Variants in PDGFC observed in about 807,000 individuals in gnomAD.
PDGFC encodes the protein platelet derived growth factor C, also known as platelet-derived growth factor C.
PDGFC carries 12 observed loss-of-function variants against 35.5 expected under a neutral mutation model. The ratio of observed to expected loss-of-function variants is 0.34; its 90% CI spans 0.22 to 0.55. PDGFC has a LOEUF of 0.55. Among genes scored for constraint, PDGFC ranks in the 20% least tolerant of loss-of-function variants. The probability of loss-of-function intolerance (pLI) is 0.91; values close to 1 mark genes in which losing one functional copy is unlikely to be tolerated. For synonymous variants in PDGFC, 159 were observed against 148.8 expected (o/e 1.07, Z -0.50); for missense variants, 322 against 412.4 (o/e 0.78, Z 1.90).
chr4:156,893,115 C>T (rs1265589679), intron 1 of PDGFC, among the ~76,000 whole-genome samples: 4 of 152,046 alleles, frequency 2.6e-5, no homozygotes, highest in Non-Finnish European at 5.9e-5. Flanking sequence ...AACAGACTAA[C>T]AGTATTTGTC....
chr4:156,912,244 C>A (rs1731056418), intron 1 of PDGFC, among the ~76,000 whole-genome samples: 1 of 152,076 alleles, frequency 6.6e-6, no homozygotes, highest in South Asian at 2.1e-4. Context: ...CAGCTAGACA[C>A]CTCATATATT....
intron 3 of PDGFC, among the ~76,000 whole-genome samples, chr4:156,804,441 A>T (rs897730261): frequency 8.6e-5 from 13 of 151,944 alleles, no homozygotes; most frequent in Non-Finnish European, 1.8e-4. Context: ...GAAAAAATTT[A>T]TACTGAATAG....
chr4:156,945,075 A>C (rs1450045753), intron 1 of PDGFC, among the ~76,000 whole-genome samples: 1 of 151,760 alleles, frequency 6.6e-6, no homozygotes, highest in Non-Finnish European at 1.5e-5. Context: ...TCTAACCCCC[A>C]AAACACAGCA....
intron 2 of PDGFC, among the ~76,000 whole-genome samples, chr4:156,829,237 T>C (rs1288330480): frequency 6.6e-6 from 1 of 152,136 alleles, no homozygotes; most frequent in East Asian, 1.9e-4. Flanking sequence ...TTCACAGAAA[T>C]GGATTGTTGA....
chr4:156,875,734 AT>A (rs552729541), intron 1 of PDGFC, among the ~76,000 whole-genome samples: 3 of 152,118 alleles, frequency 2.0e-5, no homozygotes, highest in Non-Finnish European at 4.4e-5. Flanking sequence ...ACTGGCCAAC[AT>A]GGTGAAACCC....
chr4:156,894,232 T>C (rs769750735), intron 1 of PDGFC, among the ~76,000 whole-genome samples: 6 of 152,228 alleles, frequency 3.9e-5, no homozygotes, highest in Non-Finnish European at 8.8e-5. Context: ...TCTTGACTTT[T>C]TACTGGACAG....
chr4:156,893,456 A>G (rs373457820), intron 1 of PDGFC, among the ~76,000 whole-genome samples: 1 of 151,942 alleles, frequency 6.6e-6, no homozygotes, highest in African/African-American at 2.4e-5. Flanking sequence ...CTTCTTGAGC[A>G]GTTGGGACTA....
chr4:156,955,073 G>C (rs1054550007), intron 1 of PDGFC, among the ~76,000 whole-genome samples: 2 of 152,034 alleles, frequency 1.3e-5, no homozygotes, highest in African/African-American at 4.8e-5. Context: ...AGAGAAGAGA[G>C]ACATATTAGA....
At chr4:156,900,920 AGAGGAAGTGAGGGAGGGAGGGAGG>A (rs1217085384) in intron 1 of PDGFC, among the ~76,000 whole-genome samples, 2 of 108,770 alleles carry the variant, frequency 1.8e-5, no homozygotes, top group African/African-American at 3.5e-5. Context: ...AGGGAGGGAG[AGAGGAAGTGAGGGAGGGAGGGAGG>A]GAGGAAGTGA....
chr4:156,909,488 C>T lies in PDGFC; in HGVS notation c.119-59072G>A, dbSNP rs1359277775. On this transcript the variant is annotated intron_variant, in intron 1 of 5. Transcript: ENST00000502773. ...AACACATTTGGGAGAGTGTAATTTA[C>T]ATCTGTATAATTATAAGTACATGTC... Among the ~76,000 whole-genome samples, 4 of 152,230 alleles carry T rather than the reference C, an allele frequency of 2.6e-5. No homozygotes were observed. In the South Asian group the frequency reaches 6.2e-4, roughly 24 times the overall value.
chr4:156,828,144 T>C (rs1353186921), intron 2 of PDGFC, among the ~76,000 whole-genome samples: 1 of 152,216 alleles, frequency 6.6e-6, no homozygotes, highest in Non-Finnish European at 1.5e-5. Flanking sequence ...GAGGGAGCAC[T>C]CTGGCTCTGG....
At chr4:156,956,946 C>T (rs1328848077) in intron 1 of PDGFC, among the ~76,000 whole-genome samples, 1 of 151,920 alleles carries the variant, frequency 6.6e-6, no homozygotes, top group Non-Finnish European at 1.5e-5. Context: ...GGTACCAGGA[C>T]ATCAAAGTGG....
intron 1 of PDGFC, among the ~76,000 whole-genome samples, chr4:156,965,403 GT>G (rs1732441993): frequency 6.6e-6 from 1 of 152,122 alleles, no homozygotes; most frequent in Non-Finnish European, 1.5e-5. Context: ...GGTGAGGGAT[GT>G]TGGTAGATAA....
At chr4:156,866,544 CGT>C (rs916196176) in intron 1 of PDGFC, among the ~76,000 whole-genome samples, 1 of 151,104 alleles carries the variant, frequency 6.6e-6, no homozygotes, top group Non-Finnish European at 1.5e-5. Flanking sequence ...TGGGTGTGTG[CGT>C]GTGTGTGTGT....
At chr4:156,955,284 A>T (rs574054263) in intron 1 of PDGFC, among the ~76,000 whole-genome samples, 1 of 152,154 alleles carries the variant, frequency 6.6e-6, no homozygotes, top group African/African-American at 2.4e-5. Flanking sequence ...ATGCTGTCCC[A>T]GCCTCTAGCT....
At chr4:156,899,707 A>C (rs1004569887) in intron 1 of PDGFC, among the ~76,000 whole-genome samples, 1 of 152,054 alleles carries the variant, frequency 6.6e-6, no homozygotes, top group Non-Finnish European at 1.5e-5. Flanking sequence ...CCCAGCTACT[A>C]GGGAGGCTGA....
In PDGFC at chr4:156,772,857, G is replaced by A. The variant is rs140044447; in HGVS notation, c.532C>T (p.Pro178Ser). Residue 178 changes from proline (P) to serine (S), a missense_variant, in exon 4 of 6, where the codon CCT (proline) becomes TCT (serine). Physicochemically the swap from Pro to Ser is moderately conservative, Grantham distance 74 (BLOSUM62 -1). Around this residue, in one of 2 missense-constraint regions of PDGFC, gnomAD observed 202 missense variants for 295.9 expected, o/e 0.68. Coordinates refer to ENST00000502773, the MANE Select transcript of PDGFC (RefSeq NM_016205.3). ...TEAVSPSVLP[P>S]SALPLDLLNN... ...AGCAGGTCCAGTGGCAAAGCTGAAGGGGGTAGCACTGAAGGACTCACAGCT... is the reference window on the plus strand; with the variant it reads ...AGCAGGTCCAGTGGCAAAGCTGAAGAGGGTAGCACTGAAGGACTCACAGCT... 6.2e-7 allele frequency: 1 copy of A among 1,613,334 alleles called. No individual in the cohort carries two copies. The highest frequency in any genetic ancestry group is 8.5e-7 in the Non-Finnish European group (1 of 1,179,392).
intron 1 of PDGFC, among the ~76,000 whole-genome samples, chr4:156,916,193 G>C (rs1041596675): frequency 6.6e-6 from 1 of 152,078 alleles, no homozygotes; most frequent in Non-Finnish European, 1.5e-5. Context: ...AAGGCACAGA[G>C]ACAATCAGAG....
At chr4:156,927,577 G>T (rs1385106054) in intron 1 of PDGFC, among the ~76,000 whole-genome samples, 1 of 152,106 alleles carries the variant, frequency 6.6e-6, no homozygotes, top group Non-Finnish European at 1.5e-5. Flanking sequence ...GGGGCAAAAT[G>T]CTTCAGTCTC....
Sources: gnomAD v4.1 joint callset for allele counts (sites outside exome capture counted in the v4.1 genomes callset) on GRCh38, gnomAD v4.1.1 for gene constraint, gnomAD v4.1.1 regional missense constraint, MANE v1.5 for transcripts, NCBI Gene and HGNC (gene_info 2026-07-23, HGNC 2026-07-21) for gene names.